OCRL: variants seen among roughly 807,000 people sequenced by gnomAD.
OCRL encodes OCRL inositol polyphosphate-5-phosphatase.
In OCRL, 8 loss-of-function variants were observed where a neutral mutation model predicts 78.9. That is an observed-to-expected ratio of 0.10 (90% CI 0.06 to 0.18). The LOEUF (loss-of-function observed/expected upper bound fraction) is 0.18. OCRL is among the 10% of genes least tolerant of loss of function. The pLI is 1.00. For missense variants in OCRL, 454 were observed against 696.7 expected (o/e 0.65, Z 3.92); for synonymous variants, 240 against 235.4 (o/e 1.02, Z -0.18).
intron 18 of OCRL, among the ~76,000 whole-genome samples, chrX:129,583,200 C>T (rs1184395600): frequency 8.9e-6 from 1 of 111,821 alleles, no homozygotes; most frequent in Non-Finnish European, 1.9e-5. Flanking sequence ...AGAGGTGGAA[C>T]GAAGATTTGT....
In OCRL at chrX:129,540,770, T is replaced by G; in HGVS notation, c.66T>G (p.Gly22=). The G allele has an allele frequency of 8.3e-7, 1 of 1,208,643 alleles. No individual in the cohort carries two copies. The highest frequency in any genetic ancestry group is 1.1e-6 in the Non-Finnish European group (1 of 893,926). ...CTGTCGAGGGTATGGAGATGAAGGG[T>G]CCTCTCCGGGAGCCCTGCGCCCTGA... The part of the protein sequence containing the change: ...LATVEGMEMK[G]PLREPCALTL... Residue 22 remains glycine (G), a synonymous_variant, in exon 2 of 24, where the codon GGT becomes GGG. Transcript: ENST00000371113.
Position 129,590,304 on chromosome X carries a change from A to T in OCRL, c.*34A>T, listed in dbSNP as rs748470664. 9.9e-6 allele frequency: 12 copies of T among 1,206,243 alleles called. No homozygotes were observed. Among genetic ancestry groups the T allele is most frequent in the Non-Finnish European group, 1.1e-5 (10 of 891,319 alleles). On this transcript the variant is annotated 3_prime_UTR_variant, in exon 24 of 24. Transcript: ENST00000371113. Reference sequence around the variant, plus strand: ...CTGTTCTCTGATATTCTAGAAGCAGACGATCTCGGGCTCCAAGTATTTCAG... The same window carrying T: ...CTGTTCTCTGATATTCTAGAAGCAGTCGATCTCGGGCTCCAAGTATTTCAG...
chrX:129,555,545 A>G (rs1379627205), intron 4 of OCRL, among the ~76,000 whole-genome samples: 1 of 112,469 alleles, frequency 8.9e-6, no homozygotes, highest in Non-Finnish European at 1.9e-5. Flanking sequence ...AACTACTGAG[A>G]GATGCAGAGA....
intron 18 of OCRL, among the ~76,000 whole-genome samples, chrX:129,576,785 C>G (rs939616221): frequency 8.1e-5 from 9 of 111,571 alleles, no homozygotes; most frequent in Non-Finnish European, 1.9e-5. Flanking sequence ...CTAAGCTCAC[C>G]AAATAAGATT....
intron 8 of OCRL, among the ~76,000 whole-genome samples, 193 bp downstream of exon 8, chrX:129,559,194 C>G (rs1936108358): frequency 9.0e-6 from 1 of 111,720 alleles, no homozygotes; most frequent in Admixed American, 9.5e-5. Flanking sequence ...TACAGTTTCC[C>G]TTGGATTTTC....
intron 3 of OCRL, among the ~76,000 whole-genome samples, chrX:129,547,662 A>G (rs1245885928): frequency 3.6e-5 from 4 of 111,826 alleles, no homozygotes; most frequent in African/African-American, 1.3e-4. Flanking sequence ...TAATCATCCT[A>G]ATAATAATAT....
chrX:129,581,023 C>T lies in OCRL; in HGVS notation c.2116-3321C>T, dbSNP rs1325253151. On this transcript the variant is annotated intron_variant, in intron 18 of 23. Coordinates refer to ENST00000371113, the MANE Select transcript of OCRL (RefSeq NM_000276.4). ...GGGACTACAGGCGCGCGCCACCACG[C>T]CTGGCTAATTTTTGCCTTTTTAGTA... is the stretch of plus-strand genomic sequence containing the variant. 6.3e-5 allele frequency among the ~76,000 whole-genome samples: 7 copies of T among 111,813 alleles called. No individual in the cohort carries two copies. In the Admixed American group the frequency reaches 6.6e-4, roughly 11 times the overall value.
At chrX:129,582,126 A>G (rs1352194813) in intron 18 of OCRL, among the ~76,000 whole-genome samples, 1 of 109,935 alleles carries the variant, frequency 9.1e-6, no homozygotes, top group Admixed American at 9.8e-5. Flanking sequence ...ACTTCTTCCT[A>G]ATATCAATTT....
chrX:129,568,016 C>T (rs904167515), intron 14 of OCRL, among the ~76,000 whole-genome samples: 1 of 109,479 alleles, frequency 9.1e-6, no homozygotes, highest in Non-Finnish European at 1.9e-5. Context: ...CGGGTTCACG[C>T]CATTCTCCTG....
chrX:129,543,577 A>G (rs1935838697), intron 2 of OCRL, among the ~76,000 whole-genome samples: 1 of 113,326 alleles, frequency 8.8e-6, no homozygotes, highest in Admixed American at 9.3e-5. Flanking sequence ...ATCACCTTAG[A>G]GTACAAACCC....
chrX:129,581,882 C>G (rs947778512), intron 18 of OCRL, among the ~76,000 whole-genome samples: 1 of 88,272 alleles, frequency 1.1e-5, no homozygotes, highest in African/African-American at 5.3e-5. Context: ...TGTCTCTGCC[C>G]TTCATTTTTT....
chrX:129,550,802 G>A (rs148772685), intron 4 of OCRL, among the ~76,000 whole-genome samples: 1,133 of 110,615 alleles, frequency 0.01, 17 homozygotes, highest in African/African-American at 0.036. Flanking sequence ...AGCTACTATC[G>A]TTGTACACTA....
intron 18 of OCRL, among the ~76,000 whole-genome samples, chrX:129,577,698 G>A (rs774153549): frequency 1.8e-5 from 2 of 111,536 alleles, no homozygotes; most frequent in African/African-American, 6.5e-5. Flanking sequence ...GTCCAGCCCC[G>A]GCATTCTTTC....
intron 16 of OCRL, 31 bp from the exon 17 acceptor site, chrX:129,575,866 T>TGCA: frequency 8.3e-7 from 1 of 1,206,022 alleles, no homozygotes. Context: ...CTACTAGTGA[T>TGCA]GCATGTTTGT....
intron 4 of OCRL, among the ~76,000 whole-genome samples, chrX:129,557,037 C>T (rs953179279): frequency 1.8e-5 from 2 of 111,347 alleles, no homozygotes; most frequent in East Asian, 2.8e-4. Context: ...TAGATCAGAA[C>T]GCAGGAAAGT....
intron 2 of OCRL, 29 bp downstream of exon 2, chrX:129,540,852 A>AG (rs1569456138): frequency 1.8e-6 from 2 of 1,140,794 alleles, no homozygotes; most frequent in Non-Finnish European, 2.4e-6. Context: ...CCCACAGAGG[A>AG]GGGGAGCCTG....
At chrX:129,552,532 C>T (rs976378803) in intron 4 of OCRL, among the ~76,000 whole-genome samples, 1 of 111,939 alleles carries the variant, frequency 8.9e-6, no homozygotes, top group Non-Finnish European at 1.9e-5. Flanking sequence ...TGAAGCTATT[C>T]CCCTGCCTCA....
In OCRL at chrX:129,562,613, GGTA is replaced by G; in HGVS notation, c.1073_1075del (p.Val358del). ...CTTGCTAACAGGGAAACAAAGGTGG[GGTA>G]GCTGTGAGATTTGTATTTCACAACA... On this transcript the variant is annotated inframe_deletion, in exon 12 of 24. Coordinates refer to ENST00000371113, the MANE Select transcript of OCRL (RefSeq NM_000276.4). 1 of 1,211,005 alleles carries G rather than the reference GGTA, an allele frequency of 8.3e-7. No homozygotes were observed. Among genetic ancestry groups the G allele is most frequent in the Non-Finnish European group, 1.1e-6 (1 of 894,897 alleles).
At position 129,557,935 on chromosome X, in the gene OCRL, CCTT is replaced by C; in HGVS notation, c.427_429del (p.Ser143del). ...CCAGAAATTAGACACTAAGGACAAA[CCTT>C]CTGTTTTTTCAGGTACTAAAAAGTT... is the stretch of plus-strand genomic sequence containing the variant. On this transcript the variant is annotated inframe_deletion, in exon 6 of 24. Transcript: ENST00000371113. The C allele has an allele frequency of 8.4e-7, 1 of 1,184,713 alleles. No homozygotes were observed. The highest frequency in any genetic ancestry group is 1.7e-5 in the African/African-American group (1 of 57,318).
Sources: gnomAD v4.1 joint callset for allele counts (sites outside exome capture counted in the v4.1 genomes callset) on GRCh38, gnomAD v4.1.1 for gene constraint, MANE v1.5 for transcripts, NCBI Gene and HGNC (gene_info 2026-07-23, HGNC 2026-07-21) for gene names.